Variants in KDM2B observed in about 807,000 individuals in gnomAD.
The protein encoded by KDM2B is lysine-specific demethylase 2B.
Under a neutral mutation model 150.0 loss-of-function variants are expected in KDM2B, and 26 were observed. The ratio of observed to expected loss-of-function variants is 0.17; its 90% CI spans 0.13 to 0.24. The LOEUF is 0.24. Among genes scored for constraint, KDM2B ranks in the 10% least tolerant of loss-of-function variants. The probability of loss-of-function intolerance (pLI) is 1.00; values close to 1 mark genes in which losing one functional copy is unlikely to be tolerated. For missense variants in KDM2B, 1,265 were observed against 1,816.9 expected (o/e 0.70, Z 5.52); for synonymous variants, 734 against 729.5 (o/e 1.01, Z -0.10).
the KDM2B span, chr12:121,420,542 T>A: frequency 6.2e-7 from 1 of 1,608,232 alleles, no homozygotes; most frequent in Non-Finnish European, 8.5e-7. Flanking sequence ...TCTGGACTTA[T>A]GGGACCAGGG....
intron 11 of KDM2B, among the ~76,000 whole-genome samples, chr12:121,496,493 CTTTTT>C (rs782450832): frequency 3.3e-5 from 4 of 121,478 alleles, no homozygotes; most frequent in African/African-American, 1.0e-4. Flanking sequence ...GCTCATTGTC[CTTTTT>C]TTTTTTTTTT....
At chr12:121,565,087 T>C (rs1389091388) in intron 4 of KDM2B, among the ~76,000 whole-genome samples, 1 of 151,868 alleles carries the variant, frequency 6.6e-6, no homozygotes. Flanking sequence ...CCCTCCTAGG[T>C]CTCCGAAAGT....
Position 121,531,082 on chromosome 12 carries a change from G to C in KDM2B, c.931+1724C>G, listed in dbSNP as rs186282216. ...ACACCTGCAGAGTGGATTGAGCACA[G>C]CTTAGAAGGAGGATGCCACCTCCTT... is the stretch of plus-strand genomic sequence containing the variant. On this transcript the variant is annotated intron_variant, in intron 8 of 22. Transcript: ENST00000377071. 5.3e-5 allele frequency among the ~76,000 whole-genome samples: 8 copies of C among 152,218 alleles called. No homozygotes were observed. The East Asian group carries it at 1.4e-3, about 26-fold the overall frequency.
chr12:121,434,579 G>C (rs1873652569), intron 22 of KDM2B, among the ~76,000 whole-genome samples: 1 of 151,684 alleles, frequency 6.6e-6, no homozygotes, highest in African/African-American at 2.4e-5. Context: ...TTTGAAAAGG[G>C]TGCTGCCAAC....
chr12:121,459,092 A>AC (rs1450120589), intron 12 of KDM2B, among the ~76,000 whole-genome samples: 1 of 151,802 alleles, frequency 6.6e-6, no homozygotes, highest in East Asian at 1.9e-4. Flanking sequence ...CTCAAAAAAA[A>AC]AAAAAAAAAA....
the KDM2B span, chr12:121,416,489 T>C: frequency 6.7e-6 from 5 of 746,214 alleles, no homozygotes; most frequent in East Asian, 1.3e-4. Context: ...TATCAAAAGC[T>C]TAGTTCCATT....
At chr12:121,539,955 C>T (rs1166053894) in intron 6 of KDM2B, among the ~76,000 whole-genome samples, 1 of 152,036 alleles carries the variant, frequency 6.6e-6, no homozygotes, top group African/African-American at 2.4e-5. Context: ...GGCTAGGCTG[C>T]TCTCGAACTC....
chr12:121,408,770 T>C, the KDM2B span, among the ~76,000 whole-genome samples: 13 of 152,128 alleles, frequency 8.5e-5, no homozygotes, highest in African/African-American at 3.1e-4. Flanking sequence ...GACCCAGAAA[T>C]CACTGACTTT....
chr12:121,457,713 A>G (rs1257251050), intron 12 of KDM2B, among the ~76,000 whole-genome samples: 1 of 150,290 alleles, frequency 6.7e-6, no homozygotes, highest in Non-Finnish European at 1.5e-5. Flanking sequence ...TCAGCCCACT[A>G]TGAAAGGTTA....
At chr12:121,573,635 A>T (rs1179509460) in intron 4 of KDM2B, among the ~76,000 whole-genome samples, 1 of 143,224 alleles carries the variant, frequency 7.0e-6, no homozygotes, top group African/African-American at 2.6e-5. Flanking sequence ...CCCAGGCTGG[A>T]GCGCAGTGGC....
At position 121,439,959 on chromosome 12, in the gene KDM2B, G is replaced by C; in HGVS notation, c.3727C>G (p.Leu1243Val). The change falls in exon 22 of 23, where the codon CTC becomes GTC. Residue 1243 changes from leucine (L) to valine (V), a missense_variant. By Grantham distance (32) the Leu-to-Val change is conservative. This residue lies in a region of KDM2B where 251 missense variants were observed against 397.8 expected (regional missense o/e 0.63). Coordinates refer to ENST00000377071, the MANE Select transcript of KDM2B (RefSeq NM_032590.5). ...ACGTGGTTACAGTAACTGAGGTGGA[G>C]CTTGGAGAGCAGGGGCATGTGGCGG... ...IIRHMPLLSKLHLSYCNHVTD... is the reference protein window; with the variant it reads ...IIRHMPLLSKVHLSYCNHVTD... 6.2e-7 allele frequency: 1 copy of C among 1,614,222 alleles called. No homozygotes were observed. Among genetic ancestry groups the C allele is most frequent in the Non-Finnish European group, 8.5e-7 (1 of 1,180,032 alleles).
Position 121,549,126 on chromosome 12 carries a change from G to T in KDM2B, c.577-143C>A. 1.5e-6 allele frequency: 1 copy of T among 673,270 alleles called. No homozygotes were observed. The allele number at this position is 673,270 out of a possible 1,614,324, so 41.7% of individuals were successfully genotyped here. A position where few individuals can be genotyped will look rare whatever the true frequency, so the allele number is the denominator to read the frequency against. Reference sequence around the variant, plus strand: ...AGTCCCAACATGGGAGGAAGGAAGGGCAGGGATGACAGGACCCACACTTTG... The same window carrying T: ...AGTCCCAACATGGGAGGAAGGAAGGTCAGGGATGACAGGACCCACACTTTG... On this transcript the variant is annotated intron_variant, in intron 5 of 22. Coordinates refer to ENST00000377071, the MANE Select transcript of KDM2B (RefSeq NM_032590.5). This position sits in a 1 kb window ranked among gnomAD's most constrained non-coding sequence, Gnocchi z 4.4.
chr12:121,552,713 T>C (rs1344888304), intron 4 of KDM2B, among the ~76,000 whole-genome samples: 6 of 149,480 alleles, frequency 4.0e-5, no homozygotes, highest in South Asian at 4.2e-4. Flanking sequence ...ACCACAGCAG[T>C]GGCCAGGTCC....
At chr12:121,488,972 T>A (rs1165360137) in intron 12 of KDM2B, among the ~76,000 whole-genome samples, 1 of 151,928 alleles carries the variant, frequency 6.6e-6, no homozygotes, top group Non-Finnish European at 1.5e-5. Flanking sequence ...CCACGCCAGA[T>A]AGTTTTGTAT....
chr12:121,462,365 G>A (rs1555293893), intron 12 of KDM2B, among the ~76,000 whole-genome samples: 1 of 152,214 alleles, frequency 6.6e-6, no homozygotes, highest in Non-Finnish European at 1.5e-5. Flanking sequence ...AAGCCCAGGG[G>A]ATGGGAGGAC....
At chr12:121,456,285 T>C (rs1878225793) in intron 12 of KDM2B, among the ~76,000 whole-genome samples, 1 of 152,178 alleles carries the variant, frequency 6.6e-6, no homozygotes. Context: ...GATGCCTCAG[T>C]GCGAAGGGTG....
At chr12:121,441,541 A>C (rs1397000293) in intron 19 of KDM2B, among the ~76,000 whole-genome samples, 1 of 152,082 alleles carries the variant, frequency 6.6e-6, no homozygotes, top group African/African-American at 2.4e-5. Flanking sequence ...GGTTCAAGCT[A>C]TTCTCCTGCC....
chr12:121,421,371 T>TACAA, the KDM2B span, among the ~76,000 whole-genome samples: 158 of 46,360 alleles, frequency 3.4e-3, 13 homozygotes, highest in African/African-American at 9.0e-3. Flanking sequence ...ATCCCATCTC[T>TACAA]AAAAAAAAAA....
Position 121,558,734 on chromosome 12 carries a change from C to T in KDM2B, c.398-9096G>A, listed in dbSNP as rs1034449342. The stretch of plus-strand genomic sequence containing the variant: ...CCTCCCAAAGTGCTGGGATTACAGG[C>T]GTGAGACACTGCGCCCAGCCTAATT... On this transcript the variant is annotated intron_variant, in intron 4 of 22. Coordinates refer to ENST00000377071, the MANE Select transcript of KDM2B (RefSeq NM_032590.5). Among the ~76,000 whole-genome samples the T allele has an allele frequency of 6.6e-5, 10 of 152,176 alleles. No homozygotes were observed. In the East Asian group the frequency reaches 9.7e-4, roughly 15 times the overall value.
Sources: gnomAD v4.1 joint callset for allele counts (sites outside exome capture counted in the v4.1 genomes callset) on GRCh38, gnomAD v4.1.1 for gene constraint, gnomAD v4.1.1 regional missense constraint, Gnocchi (gnomAD v3.1) non-coding constraint, MANE v1.5 for transcripts, NCBI Gene and HGNC (gene_info 2026-07-23, HGNC 2026-07-21) for gene names.